CEPT1: variants seen among roughly 807,000 people sequenced by gnomAD.
The protein encoded by CEPT1 is choline/ethanolaminephosphotransferase 1.
A neutral mutation model predicts 42.6 loss-of-function variants in CEPT1; 7 were observed. The ratio of observed to expected loss-of-function variants is 0.16; its 90% CI spans 0.09 to 0.31. The LOEUF (loss-of-function observed/expected upper bound fraction) is 0.31, where lower values mean the gene tolerates loss of function less well. Among genes scored for constraint, CEPT1 ranks in the 10% least tolerant of loss-of-function variants. CEPT1 has a pLI of 1.00. For missense variants in CEPT1, 306 were observed against 502.1 expected (o/e 0.61, Z 3.73); for synonymous variants, 171 against 171.9 (o/e 0.99, Z 0.04).
intron 4 of CEPT1, among the ~76,000 whole-genome samples, chr1:111,169,301 T>G (rs961604041): frequency 6.6e-6 from 1 of 152,216 alleles, no homozygotes; most frequent in Non-Finnish European, 1.5e-5. Context: ...TTGCCTAGAT[T>G]TATAGATTTA....
At chr1:111,141,694 C>T (rs1190693602) in intron 1 of CEPT1, among the ~76,000 whole-genome samples, 2 of 152,180 alleles carry the variant, frequency 1.3e-5, no homozygotes, top group Non-Finnish European at 2.9e-5. Context: ...AGTTGTGTTA[C>T]ACAGCCCTGT....
chr1:111,151,955 G>T (rs1470791510), intron 2 of CEPT1, among the ~76,000 whole-genome samples: 15 of 152,154 alleles, frequency 9.9e-5, no homozygotes, highest in Non-Finnish European at 2.9e-5. Context: ...GAGAATTTAT[G>T]ATTTGTAGGG....
At chr1:111,182,737 C>A in intron 6 of CEPT1, 62 bp from the exon 7 acceptor site, 1 of 1,431,260 alleles carries the variant, frequency 7.0e-7, no homozygotes, top group Non-Finnish European at 9.5e-7. Flanking sequence ...TGTTCTGCAG[C>A]AGATCCATGT....
chr1:111,179,959 C>T (rs1374347440), intron 5 of CEPT1: 4 of 152,148 alleles, frequency 2.6e-5, no homozygotes, highest in Admixed American at 6.5e-5. Flanking sequence ...ATCTATGATA[C>T]TTTGCGCCTA....
At chr1:111,171,395 T>A (rs1217728099) in intron 4 of CEPT1, among the ~76,000 whole-genome samples, 1 of 152,210 alleles carries the variant, frequency 6.6e-6, no homozygotes, top group African/African-American at 2.4e-5. Flanking sequence ...TGTTCCCTTG[T>A]TTAAAAGTTT....
intron 5 of CEPT1, among the ~76,000 whole-genome samples, 198 bp downstream of exon 5, chr1:111,175,161 T>C (rs1323837031): frequency 6.6e-6 from 1 of 152,206 alleles, no homozygotes; most frequent in Non-Finnish European, 1.5e-5. Flanking sequence ...ATTCCAGGGC[T>C]ATTATTTTTG....
At chr1:111,182,771 T>C (rs2101412418) in intron 6 of CEPT1, 28 bp from the exon 7 acceptor site, 2 of 1,591,898 alleles carry the variant, frequency 1.3e-6, no homozygotes. Context: ...TACTGAATAC[T>C]ATTAACTCTT....
At chr1:111,143,231 G>A (rs954872435) in intron 1 of CEPT1, among the ~76,000 whole-genome samples, 14 of 152,196 alleles carry the variant, frequency 9.2e-5, no homozygotes, top group African/African-American at 3.4e-4. Context: ...ACCTGAGCAA[G>A]ACAAACTCTT....
chr1:111,166,708 A>C (rs1656162570), intron 4 of CEPT1, among the ~76,000 whole-genome samples: 1 of 152,172 alleles, frequency 6.6e-6, no homozygotes, highest in Admixed American at 6.5e-5. Flanking sequence ...TGGGACTTCT[A>C]AGAAGAATTC....
At chr1:111,173,266 C>G (rs1250837054) in intron 4 of CEPT1, 9 of 152,156 alleles carry the variant, frequency 5.9e-5, no homozygotes, top group Non-Finnish European at 1.3e-4. Context: ...CAGGTCAGCT[C>G]TACAGATTCT....
intron 1 of CEPT1, among the ~76,000 whole-genome samples, chr1:111,147,240 A>G (rs1454722925): frequency 6.6e-6 from 1 of 152,240 alleles, no homozygotes; most frequent in Non-Finnish European, 1.5e-5. Context: ...TTTAAGACTC[A>G]TTGAAGTCAT....
intron 6 of CEPT1, 93 bp from the exon 7 acceptor site, chr1:111,182,706 A>G: frequency 1.7e-6 from 2 of 1,192,508 alleles, no homozygotes; most frequent in Non-Finnish European, 2.3e-6. Flanking sequence ...GGTTCCTGAA[A>G]GTTTGAGTTG....
At chr1:111,157,528 G>A (rs1336187977) in intron 2 of CEPT1, among the ~76,000 whole-genome samples, 1 of 152,176 alleles carries the variant, frequency 6.6e-6, no homozygotes, top group Non-Finnish European at 1.5e-5. Context: ...TGCTGTGCAA[G>A]ATAGCGCAGC....
chr1:111,162,244 T>G (rs1655913733), intron 4 of CEPT1, among the ~76,000 whole-genome samples: 2 of 152,186 alleles, frequency 1.3e-5, no homozygotes, highest in Admixed American at 1.3e-4. Flanking sequence ...GGGTAAATTG[T>G]AGTAGGCTGT....
At chr1:111,162,955 T>C (rs1038010624) in intron 4 of CEPT1, among the ~76,000 whole-genome samples, 1 of 152,196 alleles carries the variant, frequency 6.6e-6, no homozygotes, top group Non-Finnish European at 1.5e-5. Flanking sequence ...GGGTCTTGTA[T>C]TTTTATGAGA....
intron 2 of CEPT1, among the ~76,000 whole-genome samples, chr1:111,152,181 A>G (rs1655313408): frequency 6.6e-6 from 1 of 152,138 alleles, no homozygotes; most frequent in African/African-American, 2.4e-5. Flanking sequence ...TTGTTTTTAT[A>G]TTGCTAGTTT....
rs918515829 is a variant in CEPT1 at position 111,170,846 on chromosome 1, G to T, written c.630-4033G>T. 3.3e-5 allele frequency among the ~76,000 whole-genome samples: 5 copies of T among 152,166 alleles called. No individual in the cohort carries two copies. In the East Asian group the frequency reaches 5.8e-4, roughly 18 times the overall value. On this transcript the variant is annotated intron_variant, in intron 4 of 8. Transcript: ENST00000357172. ...CACAGGTCAAATTGTACAAATTGGG[G>T]ATTCTTTGACATTGTGAATTTATCC...
chr1:111,161,878 T>G (rs866352964), intron 4 of CEPT1, among the ~76,000 whole-genome samples: 1 of 152,214 alleles, frequency 6.6e-6, no homozygotes, highest in Admixed American at 6.5e-5. Context: ...GTGTGGGAAC[T>G]GAAGGAAGGA....
At chr1:111,183,663 T>A (rs905309018) in intron 8 of CEPT1, 76 bp downstream of exon 8, 2 of 1,376,344 alleles carry the variant, frequency 1.5e-6, no homozygotes, top group Non-Finnish European at 2.0e-6. Context: ...GATGACCCAG[T>A]CATGAAAGAT....
Sources: gnomAD v4.1 joint callset for allele counts (sites outside exome capture counted in the v4.1 genomes callset) on GRCh38, gnomAD v4.1.1 for gene constraint, MANE v1.5 for transcripts, NCBI Gene and HGNC (gene_info 2026-07-23, HGNC 2026-07-21) for gene names.